GREB1L: variants seen among roughly 807,000 people sequenced by gnomAD.
GREB1L encodes GREB1-like protein.
In GREB1L, 17 loss-of-function variants were observed where a neutral mutation model predicts 200.8. The ratio of observed to expected loss-of-function variants is 0.08; its 90% CI spans 0.06 to 0.13. The LOEUF is 0.13. GREB1L is among the 10% of genes least tolerant of loss of function. GREB1L has a pLI of 1.00. For missense variants in GREB1L, 1,657 were observed against 2,367.7 expected (o/e 0.70, Z 6.23); for synonymous variants, 789 against 893.0 (o/e 0.88, Z 2.08).
intron 1 of GREB1L, among the ~76,000 whole-genome samples, chr18:21,333,240 C>A (rs1013876918): frequency 2.6e-5 from 4 of 152,070 alleles, no homozygotes; most frequent in Non-Finnish European, 5.9e-5. Flanking sequence ...GCACTGGGTT[C>A]ATTTATTATA....
rs2037638486 is a variant in GREB1L, at chr18:21,523,605, TGC to T, written c.*785_*786del. 1 of 152,234 alleles carries T rather than the reference TGC, an allele frequency of 6.6e-6. No individual in the cohort carries two copies. The highest frequency in any genetic ancestry group is 1.5e-5 in the Non-Finnish European group (1 of 68,038). The allele number at this position is 152,234 out of a possible 1,614,324, so 9.4% of individuals were successfully genotyped here. A position where few individuals can be genotyped will look rare whatever the true frequency, so the allele number is the denominator to read the frequency against. ...GACTATGGAACAGTGATTAATCTTT[TGC>T]AAGAACTTAAGTCAGTTAAGAAGCT... On this transcript the variant is annotated 3_prime_UTR_variant, in exon 33 of 33. Transcript: ENST00000424526.
At chr18:21,269,875 G>A (rs1003939223) in intron 1 of GREB1L, among the ~76,000 whole-genome samples, 2 of 151,996 alleles carry the variant, frequency 1.3e-5, no homozygotes, top group African/African-American at 4.8e-5. Flanking sequence ...GAAATAGGTA[G>A]GATTAGGATA....
chr18:21,491,777 A>G (rs1199725977), intron 19 of GREB1L, among the ~76,000 whole-genome samples: 5 of 152,116 alleles, frequency 3.3e-5, no homozygotes, highest in African/African-American at 1.2e-4. Context: ...GCTAACCTAA[A>G]TTGAATAATC....
chr18:21,411,104 C>T (rs2030948454), intron 7 of GREB1L, among the ~76,000 whole-genome samples: 1 of 152,120 alleles, frequency 6.6e-6, no homozygotes, highest in South Asian at 2.1e-4. Context: ...AGATGATTAA[C>T]TACTTTGGTA....
chr18:21,507,479 C>T (rs1441726531), intron 25 of GREB1L, among the ~76,000 whole-genome samples: 3 of 152,124 alleles, frequency 2.0e-5, no homozygotes, highest in East Asian at 3.8e-4. Flanking sequence ...ACATTAAAAG[C>T]GTGAAAAGAC....
chr18:21,261,138 A>G (rs971001670), intron 1 of GREB1L, among the ~76,000 whole-genome samples: 5 of 152,086 alleles, frequency 3.3e-5, no homozygotes, highest in African/African-American at 1.2e-4. Flanking sequence ...TATGTATGAC[A>G]CACACATATC....
At chr18:21,254,231 A>G (rs376890995) in intron 1 of GREB1L, among the ~76,000 whole-genome samples, 1 of 151,430 alleles carries the variant, frequency 6.6e-6, no homozygotes, top group Non-Finnish European at 1.5e-5. Context: ...CATCACACCC[A>G]GCTAATTTTT....
chr18:21,402,499 CCCTTTCCTTTT>C (rs2041360138), intron 6 of GREB1L, among the ~76,000 whole-genome samples: 2 of 147,058 alleles, frequency 1.4e-5, no homozygotes, highest in African/African-American at 5.0e-5. Flanking sequence ...CCTTTCCTTT[CCCTTTCCTTTT>C]CCTTTCCTTT....
intron 23 of GREB1L, among the ~76,000 whole-genome samples, chr18:21,504,646 G>A (rs772227185): frequency 2.0e-5 from 3 of 152,158 alleles, no homozygotes; most frequent in Non-Finnish European, 4.4e-5. Context: ...GACCAGCTTA[G>A]GCAATACAGT....
intron 32 of GREB1L, among the ~76,000 whole-genome samples, chr18:21,521,228 A>C (rs2037589801): frequency 6.6e-6 from 1 of 152,064 alleles, no homozygotes; most frequent in East Asian, 1.9e-4. Flanking sequence ...ATACAAAATC[A>C]GCCGGGCGTG....
intron 14 of GREB1L, chr18:21,452,501 A>T (rs896400960): frequency 9.5e-6 from 3 of 315,848 alleles, no homozygotes; most frequent in African/African-American, 4.3e-5. Flanking sequence ...ACATTGGCTC[A>T]TTTTCCTTAG....
chr18:21,423,512 A>G (rs968284387), intron 7 of GREB1L, among the ~76,000 whole-genome samples: 1 of 152,168 alleles, frequency 6.6e-6, no homozygotes, highest in African/African-American at 2.4e-5. Context: ...GCTTGAATCC[A>G]CTAGATACTC....
At chr18:21,327,726 G>A (rs1468376841) in intron 1 of GREB1L, among the ~76,000 whole-genome samples, 1 of 150,688 alleles carries the variant, frequency 6.6e-6, no homozygotes, top group Non-Finnish European at 1.5e-5. Context: ...GTGGGGAGGT[G>A]GGGGGCACGG....
chr18:21,517,503 ATT>A (rs2037462182), intron 30 of GREB1L, among the ~76,000 whole-genome samples: 1 of 152,146 alleles, frequency 6.6e-6, no homozygotes, highest in South Asian at 2.1e-4. Flanking sequence ...ACATTTTTAC[ATT>A]CTTTATGTAA....
chr18:21,327,996 G>A lies in GREB1L; in HGVS notation c.-119-38031G>A, dbSNP rs573566033. 7.2e-5 allele frequency among the ~76,000 whole-genome samples: 11 copies of A among 152,312 alleles called. No homozygotes were observed. In the South Asian group the frequency reaches 2.3e-3, roughly 32 times the overall value. On this transcript the variant is annotated intron_variant, in intron 1 of 32. Coordinates refer to ENST00000424526, the MANE Select transcript of GREB1L (RefSeq NM_001142966.3). ...CCCAAAGTGCTGGGATTACAGGCGT[G>A]AGCCACAGCGCCCGGCCAACCCCAG...
chr18:21,490,024 G>A lies in GREB1L; in HGVS notation c.2703G>A (p.Leu901=). 6.4e-7 allele frequency: 1 copy of A among 1,551,178 alleles called. No homozygotes were observed. Among genetic ancestry groups the A allele is most frequent in the Non-Finnish European group, 8.7e-7 (1 of 1,146,754 alleles). ...VNTLLERYPR[L]HSMVVRCYLL... Reference sequence around the variant, plus strand: ...TTTTCTGTTGAAGGTACCCCAGGCTGCACAGCATGGTCGTCCGCTGCTATC... The same window carrying A: ...TTTTCTGTTGAAGGTACCCCAGGCTACACAGCATGGTCGTCCGCTGCTATC... The change falls in exon 19 of 33, where the codon CTG becomes CTA. Residue 901 remains leucine (L), a synonymous_variant. Transcript: ENST00000424526.
chr18:21,474,596 C>G (rs1230503974), intron 16 of GREB1L, among the ~76,000 whole-genome samples: 2 of 152,230 alleles, frequency 1.3e-5, no homozygotes, highest in Non-Finnish European at 2.9e-5. Flanking sequence ...TCTGAAGCAA[C>G]AGCCCAAGCT....
Position 21,449,815 on chromosome 18 carries a change from G to C in GREB1L, c.1699G>C (p.Glu567Gln), listed in dbSNP as rs768976885. Residue 567 changes from glutamate (E) to glutamine (Q), a missense_variant, in exon 12 of 33, where the codon GAA becomes CAA. By Grantham distance (29) the Glu-to-Gln change is conservative. This residue lies in a region of GREB1L where 239 missense variants were observed against 421.8 expected (regional missense o/e 0.57). Coordinates refer to ENST00000424526, the MANE Select transcript of GREB1L (RefSeq NM_001142966.3). ...VICASKIRGN[E>Q]FCVVVLGQHQ... Reference sequence around the variant, plus strand: ...TTGTGCATCGAAAATCAGAGGAAATGAATTTTGTGTGGTAGTGTTAGGTGA... The same window carrying C: ...TTGTGCATCGAAAATCAGAGGAAATCAATTTTGTGTGGTAGTGTTAGGTGA... The C allele has an allele frequency of 6.5e-7, 1 of 1,539,394 alleles. No homozygotes were observed. Among genetic ancestry groups the C allele is most frequent in the South Asian group, 1.2e-5 (1 of 82,288 alleles).
At chr18:21,447,998 A>G (rs2034317242) in intron 11 of GREB1L, among the ~76,000 whole-genome samples, 1 of 152,024 alleles carries the variant, frequency 6.6e-6, no homozygotes, top group Admixed American at 6.6e-5. Flanking sequence ...CCCCATCTCT[A>G]TCAAAAATAC....
Sources: gnomAD v4.1 joint callset for allele counts (sites outside exome capture counted in the v4.1 genomes callset) on GRCh38, gnomAD v4.1.1 for gene constraint, gnomAD v4.1.1 regional missense constraint, MANE v1.5 for transcripts, NCBI Gene and HGNC (gene_info 2026-07-23, HGNC 2026-07-21) for gene names.